Variants in TERT observed in about 807,000 individuals in gnomAD.
TERT encodes the protein telomerase reverse transcriptase.
A neutral mutation model predicts 104.0 loss-of-function variants in TERT; 42 were observed. The ratio of observed to expected loss-of-function variants is 0.40; its 90% CI spans 0.32 to 0.52. The LOEUF (loss-of-function observed/expected upper bound fraction) is 0.52. Ranked by LOEUF, TERT falls within the 20% of genes least tolerant of loss-of-function variation. TERT has a pLI of 0.43. For synonymous variants in TERT, 781 were observed against 725.6 expected (o/e 1.08, Z -1.23); for missense variants, 1,101 against 1,610.3 (o/e 0.68, Z 5.41).
At position 1,256,799 on chromosome 5, in the gene TERT, C is replaced by T. The variant is rs1747772638; in HGVS notation, c.3033-1388G>A. Among the ~76,000 whole-genome samples the T allele has an allele frequency of 6.6e-6, 1 of 152,244 alleles. No homozygotes were observed. The highest frequency in any genetic ancestry group is 2.4e-5 in the African/African-American group (1 of 41,468). ...CGCTCCTGACCCAGGAGGGAAACAC[C>T]TAGCATGGGTGAGGGGCTCTCTTCC... On this transcript the variant is annotated intron_variant, in intron 13 of 15. Transcript: ENST00000310581. The surrounding 1 kb of genome is among the most constrained non-coding windows in gnomAD (Gnocchi z 7.0).
intron 2 of TERT, among the ~76,000 whole-genome samples, chr5:1,284,091 C>G (rs942068251): frequency 2.0e-5 from 3 of 147,254 alleles, no homozygotes; most frequent in South Asian, 2.2e-4. Context: ...CAACCTCACC[C>G]CGGACCTGCA....
rs754578148 is a variant in TERT, at chr5:1,273,118, CCA to C, written c.2287-840_2287-839del. Among the ~76,000 whole-genome samples the C allele has an allele frequency of 9.3e-3, 332 of 35,818 alleles. 13 individuals carry two copies. The highest frequency in any genetic ancestry group is 0.019 in the Non-Finnish European group (267 of 14,108). 23.5% of individuals were successfully genotyped at this position (35,818 alleles called of 152,430 possible). A position where few individuals can be genotyped will look rare whatever the true frequency, so the allele number is the denominator to read the frequency against. On this transcript the variant is annotated intron_variant, in intron 6 of 15. Transcript: ENST00000310581. ...ACCCCACAACCGCCATCCACAGTCACCACACATCAGACCCCACGACCGCCATC... is the reference window on the plus strand; with the variant it reads ...ACCCCACAACCGCCATCCACAGTCACCACATCAGACCCCACGACCGCCATC...
chr5:1,254,557 C>A, intron 14 of TERT, 52 bp from the exon 15 acceptor site: 1 of 1,566,782 alleles, frequency 6.4e-7, no homozygotes, highest in Non-Finnish European at 8.6e-7. Context: ...GCTCCCCTCC[C>A]AGGAGACACC....
At chr5:1,264,957 G>T (rs1748487142) in intron 10 of TERT, among the ~76,000 whole-genome samples, 1 of 152,216 alleles carries the variant, frequency 6.6e-6, no homozygotes, top group Non-Finnish European at 1.5e-5. Context: ...CTAAAATCTG[G>T]ACAAGAAATT....
intron 2 of TERT, among the ~76,000 whole-genome samples, chr5:1,291,596 C>A (rs200170593): frequency 7.9e-6 from 1 of 125,794 alleles, no homozygotes. Context: ...CAGGGACACC[C>A]GGGGACAGTG....
rs2126613118 is a variant in TERT, at chr5:1,270,771, C to G, written c.2468+348G>C. On this transcript the variant is annotated intron_variant, in intron 8 of 15. Coordinates refer to ENST00000310581, the MANE Select transcript of TERT (RefSeq NM_198253.3). The surrounding 1 kb of genome is among the most constrained non-coding windows in gnomAD (Gnocchi z 8.3). ...CGTGTGAGAGCCGGGTGTCCAGCGT[C>G]AGTAGTAACTTGGAGCTGACAAGCT... Among the ~76,000 whole-genome samples, 1 of 152,366 alleles carries G rather than the reference C, an allele frequency of 6.6e-6. No homozygotes were observed. The highest frequency in any genetic ancestry group is 2.1e-4 in the South Asian group (1 of 4,834).
rs1748880690 is a variant in TERT at position 1,269,663 on chromosome 5, T to A, written c.2469-1030A>T. On this transcript the variant is annotated intron_variant, in intron 8 of 15. Coordinates refer to ENST00000310581, the MANE Select transcript of TERT (RefSeq NM_198253.3). The surrounding 1 kb of genome is among the most constrained non-coding windows in gnomAD (Gnocchi z 9.0). ...AAGAGGCTTTCCTTGCTGGTGCAGA[T>A]ATCACAGTGATGGGCAAGAGGACTG... Among the ~76,000 whole-genome samples, 1 of 151,498 alleles carries A rather than the reference T, an allele frequency of 6.6e-6. No homozygotes were observed. Among genetic ancestry groups the A allele is most frequent in the South Asian group, 2.1e-4 (1 of 4,796 alleles).
In TERT at chr5:1,282,583, C is replaced by G. The variant is rs1203927893; in HGVS notation, c.1615G>C (p.Glu539Gln). The G allele has an allele frequency of 6.2e-7, 1 of 1,614,128 alleles. No individual in the cohort carries two copies. The highest frequency in any genetic ancestry group is 8.5e-7 in the Non-Finnish European group (1 of 1,180,030). Residue 539 changes from glutamate to glutamine, a missense_variant, in exon 3 of 16, where the codon GAG (glutamate) becomes CAG (glutamine). Coordinates refer to ENST00000310581, the MANE Select transcript of TERT (RefSeq NM_198253.3). ...CAGTGCAGGAACTTGGCCAGGATCT[C>G]CTCACGCAGACGGTGCTCTGCGGCC... ...VPAAEHRLREEILAKFLHWLM... is the reference protein window; with the variant it reads ...VPAAEHRLREQILAKFLHWLM...
intron 6 of TERT, among the ~76,000 whole-genome samples, chr5:1,277,649 A>G (rs544551071): frequency 9.4e-5 from 12 of 127,606 alleles, no homozygotes; most frequent in African/African-American, 3.2e-4. Context: ...ACACCCGGGC[A>G]CAGGTGGGCG....
rs1214691456 is a variant in TERT at position 1,256,531 on chromosome 5, G to GC, written c.3033-1121dup. On this transcript the variant is annotated intron_variant, in intron 13 of 15. Transcript: ENST00000310581. This position sits in a 1 kb window ranked among gnomAD's most constrained non-coding sequence, Gnocchi z 7.0. ...GTACCTGGCCTCACCCACTGCCTGA[G>GC]CCCCCCGTGTACCTCATCTCACCCA... Among the ~76,000 whole-genome samples, 8 of 146,564 alleles carry GC rather than the reference G, an allele frequency of 5.5e-5. No homozygotes were observed. The East Asian group carries it at 1.4e-3, about 26-fold the overall frequency.
At position 1,255,549 on chromosome 5, in the gene TERT, C is replaced by A. The variant is rs1747667229; in HGVS notation, c.3033-138G>T. ...GTTTCCTCATGGGCACAGGTGCACACACACGGATGCATGCATGCATGTCTG... is the reference window on the plus strand; with the variant it reads ...GTTTCCTCATGGGCACAGGTGCACAAACACGGATGCATGCATGCATGTCTG... On this transcript the variant is annotated intron_variant, in intron 13 of 15. Transcript: ENST00000310581. This position sits in a 1 kb window ranked among gnomAD's most constrained non-coding sequence, Gnocchi z 6.9. The A allele has an allele frequency of 9.6e-7, 1 of 1,039,570 alleles. No homozygotes were observed. Among genetic ancestry groups the A allele is most frequent in the East Asian group, 2.5e-5 (1 of 40,060 alleles). The allele number at this position is 1,039,570 out of a possible 1,614,324, so 64.4% of individuals were successfully genotyped here. A position where few individuals can be genotyped will look rare whatever the true frequency, so the allele number is the denominator to read the frequency against.
Position 1,262,040 on chromosome 5 carries a change from G to A in TERT, c.2844-1440C>T, listed in dbSNP as rs952036206. Among the ~76,000 whole-genome samples, 5 of 152,206 alleles carry A rather than the reference G, an allele frequency of 3.3e-5. No individual in the cohort carries two copies. The highest frequency in any genetic ancestry group is 5.9e-5 in the Non-Finnish European group (4 of 68,030). Reference sequence around the variant, plus strand: ...CAGGCAAGCTGAGTTTCTCTGCAGTGAAAGCAATGCCCGTTGCCTCACTGG... The same window carrying A: ...CAGGCAAGCTGAGTTTCTCTGCAGTAAAAGCAATGCCCGTTGCCTCACTGG... On this transcript the variant is annotated intron_variant, in intron 11 of 15. Transcript: ENST00000310581. This position sits in a 1 kb window ranked among gnomAD's most constrained non-coding sequence, Gnocchi z 5.6.
intron 2 of TERT, among the ~76,000 whole-genome samples, chr5:1,283,932 G>A (rs1419651091): frequency 2.5e-4 from 33 of 131,884 alleles, no homozygotes; most frequent in Non-Finnish European, 3.3e-4. Context: ...ACCGGACACT[G>A]CACAACCAGC....
chr5:1,254,266 C>T (rs527371262), intron 15 of TERT, 102 bp downstream of exon 15: 60 of 1,531,130 alleles, frequency 3.9e-5, no homozygotes, highest in South Asian at 2.7e-4. Context: ...GGCCCGGGGG[C>T]GTCTGCACTT....
chr5:1,264,323 A>G lies in TERT; in HGVS notation c.2843+81T>C. On this transcript the variant is annotated intron_variant, in intron 11 of 15. Coordinates refer to ENST00000310581, the MANE Select transcript of TERT (RefSeq NM_198253.3). ...ATTGGCAGTCGCCTGCCCCACACGG[A>G]AGCAGAGGTGGACGCAACGGCCCTG... 3 of 1,453,478 alleles carry G rather than the reference A, an allele frequency of 2.1e-6. No homozygotes were observed. The South Asian group carries it at 3.6e-5, about 18-fold the overall frequency. The allele number at this position is 1,453,478 out of a possible 1,614,324, so 90.0% of individuals were successfully genotyped here.
At chr5:1,284,141 C>G (rs1253176226) in intron 2 of TERT, among the ~76,000 whole-genome samples, 1 of 95,610 alleles carries the variant, frequency 1.0e-5, no homozygotes, top group Non-Finnish European at 2.1e-5. Context: ...GAGGGCCTGG[C>G]GACCACACCC....
rs1341605981 is a variant in TERT at position 1,257,174 on chromosome 5, G to A, written c.3032+1424C>T. Among the ~76,000 whole-genome samples the A allele has an allele frequency of 5.3e-5, 8 of 152,244 alleles. No homozygotes were observed. The highest frequency in any genetic ancestry group is 3.4e-3 in the Middle Eastern group (1 of 294). On this transcript the variant is annotated intron_variant, in intron 13 of 15. Coordinates refer to ENST00000310581, the MANE Select transcript of TERT (RefSeq NM_198253.3). The surrounding 1 kb of genome is among the most constrained non-coding windows in gnomAD (Gnocchi z 5.6). ...CCCACATGGGTGGGGAAACTCAGCC[G>A]CCCTGCCCTGAGCCCAGGCCCTCTA...
chr5:1,267,636 A>C (rs34246010), intron 9 of TERT, among the ~76,000 whole-genome samples: 16 of 152,344 alleles, frequency 1.1e-4, no homozygotes, highest in Admixed American at 4.6e-4. Context: ...CATATACACC[A>C]CGGAATACTA....
At chr5:1,285,172 G>T (rs1403246825) in intron 2 of TERT, among the ~76,000 whole-genome samples, 1 of 104,276 alleles carries the variant, frequency 9.6e-6, no homozygotes, top group Non-Finnish European at 2.0e-5. Flanking sequence ...CCAGCTCACC[G>T]AGGGCCTGGA....
Sources: allele counts gnomAD v4.1 joint callset (sites outside exome capture counted in the v4.1 genomes callset), GRCh38; gene constraint gnomAD v4.1.1; non-coding constraint Gnocchi (gnomAD v3.1); transcripts MANE v1.5; gene names NCBI Gene and HGNC (gene_info 2026-07-23, HGNC 2026-07-21).